Variants in EBF1 observed in about 807,000 individuals in gnomAD.
EBF1 encodes transcription factor COE1.
A neutral mutation model predicts 68.4 loss-of-function variants in EBF1; 10 were observed. The observed-to-expected ratio is 0.15, with a 90% CI of 0.09 to 0.25. EBF1 has a LOEUF of 0.25. Ranked by LOEUF, EBF1 falls within the 10% of genes least tolerant of loss-of-function variation. The pLI is 1.00. For synonymous variants in EBF1, 298 were observed against 299.8 expected, an observed-to-expected ratio of 0.99 and a Z score of 0.06; for missense variants, 509 against 794.4, an observed-to-expected ratio of 0.64 and a Z score of 4.32.
chr5:158,807,276 C>T (rs1219700818), intron 8 of EBF1, among the ~76,000 whole-genome samples: 3 of 152,058 alleles, frequency 2.0e-5, no homozygotes, highest in Non-Finnish European at 4.4e-5. Flanking sequence ...CAGGGCTAGG[C>T]AGGAAGGTAA....
chr5:158,967,489 C>T (rs1282417519), intron 6 of EBF1, among the ~76,000 whole-genome samples: 2 of 152,148 alleles, frequency 1.3e-5, no homozygotes, highest in Non-Finnish European at 2.9e-5. Flanking sequence ...TCAATGCTTT[C>T]CCTATCAAAA....
chr5:159,088,955 A>G (rs1314585545), intron 4 of EBF1, among the ~76,000 whole-genome samples: 3 of 152,166 alleles, frequency 2.0e-5, no homozygotes, highest in Non-Finnish European at 2.9e-5. Context: ...CCTTAAGGTG[A>G]CAGGAATGCT....
intron 4 of EBF1, among the ~76,000 whole-genome samples, chr5:159,088,903 G>A (rs573947783): frequency 1.3e-5 from 2 of 152,210 alleles, no homozygotes; most frequent in African/African-American, 4.8e-5. Context: ...ATATCAAGTA[G>A]AAAACAATGT....
At chr5:158,990,163 G>A (rs749574609) in intron 6 of EBF1, among the ~76,000 whole-genome samples, 4 of 152,236 alleles carry the variant, frequency 2.6e-5, no homozygotes, top group Middle Eastern at 3.4e-3. Flanking sequence ...AGTGCAGGTG[G>A]GGCAGCATAA....
intron 6 of EBF1, among the ~76,000 whole-genome samples, chr5:159,007,240 CAG>C (rs1763745041): frequency 1.3e-5 from 2 of 151,848 alleles, no homozygotes; most frequent in African/African-American, 4.8e-5. Context: ...GGAAGAAGCA[CAG>C]AGAGAGAAAA....
chr5:158,747,985 C>T (rs1296075663), intron 10 of EBF1, among the ~76,000 whole-genome samples: 1 of 152,098 alleles, frequency 6.6e-6, no homozygotes, highest in African/African-American at 2.4e-5. Flanking sequence ...GATGGACTGC[C>T]CCTGTGGAAG....
chr5:158,779,385 A>G (rs1378843982), intron 9 of EBF1, among the ~76,000 whole-genome samples: 1 of 152,178 alleles, frequency 6.6e-6, no homozygotes, highest in East Asian at 1.9e-4. Context: ...ATAGAGAAAA[A>G]AATTGTTCAT....
intron 6 of EBF1, among the ~76,000 whole-genome samples, chr5:158,936,385 C>T (rs1019900287): frequency 1.3e-5 from 2 of 152,196 alleles, no homozygotes; most frequent in African/African-American, 2.4e-5. Flanking sequence ...AGGTTTGTTA[C>T]TTTGTATCCT....
chr5:158,764,919 C>T (rs1296431281), intron 10 of EBF1, among the ~76,000 whole-genome samples: 2 of 152,078 alleles, frequency 1.3e-5, no homozygotes, highest in Non-Finnish European at 2.9e-5. Context: ...CTCATTTTTA[C>T]ACCTGAAAAT....
chr5:158,718,182 G>C (rs570157604), intron 11 of EBF1, among the ~76,000 whole-genome samples: 19 of 152,260 alleles, frequency 1.2e-4, no homozygotes, highest in Non-Finnish European at 2.1e-4. Context: ...GTCATCATAT[G>C]TGGATCTTAT....
intron 6 of EBF1, among the ~76,000 whole-genome samples, chr5:158,909,820 C>T (rs1273454139): frequency 6.6e-6 from 1 of 151,778 alleles, no homozygotes; most frequent in African/African-American, 2.4e-5. Flanking sequence ...GCCTTTAATC[C>T]CAGCTATTCA....
At chr5:159,089,482 G>A (rs1486527353) in intron 4 of EBF1, among the ~76,000 whole-genome samples, 3 of 152,020 alleles carry the variant, frequency 2.0e-5, no homozygotes, top group African/African-American at 7.2e-5. Context: ...CTTACTATGG[G>A]TAAAGACCAC....
intron 6 of EBF1, among the ~76,000 whole-genome samples, chr5:158,868,666 T>A (rs1161834040): frequency 6.6e-6 from 1 of 152,200 alleles, no homozygotes; most frequent in Non-Finnish European, 1.5e-5. Context: ...CCACACATGG[T>A]GTGCAACAGT....
In EBF1 at chr5:158,773,554, T is replaced by G. The variant is rs78502952; in HGVS notation, c.1036+3859A>C. Among the ~76,000 whole-genome samples the G allele has an allele frequency of 5.2e-3, 791 of 152,258 alleles. 10 individuals are homozygous for G. The highest frequency in any genetic ancestry group is 0.018 in the African/African-American group (759 of 41,562). On this transcript the variant is annotated intron_variant, in intron 10 of 15. Coordinates refer to ENST00000313708, the MANE Select transcript of EBF1 (RefSeq NM_024007.5). Reference sequence around the variant, plus strand: ...TGGGGGGTCAGGTGGTGTACAGCTCTCAGGGTACCCCTAGGCTGCTCAAAC... The same window carrying G: ...TGGGGGGTCAGGTGGTGTACAGCTCGCAGGGTACCCCTAGGCTGCTCAAAC...
At chr5:158,985,052 G>A (rs1405625579) in intron 6 of EBF1, among the ~76,000 whole-genome samples, 2 of 152,136 alleles carry the variant, frequency 1.3e-5, no homozygotes, top group African/African-American at 4.8e-5. Flanking sequence ...AGGCTGAACT[G>A]CTACTTACTG....
At chr5:158,725,290 C>T (rs970667123) in intron 11 of EBF1, among the ~76,000 whole-genome samples, 1 of 152,186 alleles carries the variant, frequency 6.6e-6, no homozygotes, top group Non-Finnish European at 1.5e-5. Context: ...GTCCACAACC[C>T]CTCCTTCCCA....
chr5:158,814,272 G>A (rs1357630474), intron 8 of EBF1, among the ~76,000 whole-genome samples: 3 of 152,172 alleles, frequency 2.0e-5, no homozygotes, highest in Admixed American at 6.6e-5. Context: ...GAGTGCAGGA[G>A]TTTGAGGCTA....
chr5:159,021,915 T>C (rs1453384796), intron 6 of EBF1, among the ~76,000 whole-genome samples: 2 of 152,076 alleles, frequency 1.3e-5, no homozygotes, highest in Non-Finnish European at 2.9e-5. Flanking sequence ...GATTATATAC[T>C]GATATTGGGG....
chr5:158,937,565 G>T (rs897972408), intron 6 of EBF1, among the ~76,000 whole-genome samples: 3 of 152,208 alleles, frequency 2.0e-5, no homozygotes, highest in African/African-American at 7.2e-5. Flanking sequence ...TCACGCAAAG[G>T]GGTAGAGCAG....
Sources: gnomAD v4.1 joint callset for allele counts (sites outside exome capture counted in the v4.1 genomes callset) on GRCh38, gnomAD v4.1.1 for gene constraint, MANE v1.5 for transcripts, NCBI Gene and HGNC (gene_info 2026-07-23, HGNC 2026-07-21) for gene names.